Variants in RAB20 observed in about 807,000 individuals in gnomAD.
RAB20 encodes ras-related protein Rab-20.
In RAB20, 2 loss-of-function variants were observed where a neutral mutation model predicts 3.7. The observed-to-expected ratio is 0.54, with a 90% CI of 0.22 to 1.69. RAB20 has a LOEUF of 1.69. Among genes scored for constraint, RAB20 ranks in the 40% most tolerant of loss-of-function variants. The probability of loss-of-function intolerance (pLI) is 0.19; values close to 1 mark genes in which losing one functional copy is unlikely to be tolerated. For synonymous variants in RAB20, 126 were observed against 130.8 expected (o/e 0.96, Z 0.25); for missense variants, 276 against 311.9 (o/e 0.88, Z 0.87).
rs1398743171 is a variant in RAB20 at position 110,527,900 on chromosome 13, T to TAAACACAC, written c.173-3704_173-3703insGTGTGTTT. On this transcript the variant is annotated intron_variant, in intron 1 of 1. Coordinates refer to ENST00000267328, the MANE Select transcript of RAB20 (RefSeq NM_017817.3). ...ATAGCAAGGCTCCTATCTCTACAAA[T>TAAACACAC]ACACACACACACACACACACACACA... is the stretch of plus-strand genomic sequence containing the variant. Among the ~76,000 whole-genome samples the TAAACACAC allele has an allele frequency of 4.3e-3, 595 of 138,214 alleles. 5 individuals carry two copies. Among genetic ancestry groups the TAAACACAC allele is most frequent in the African/African-American group, 0.015 (559 of 36,222 alleles). 90.7% of individuals were successfully genotyped at this position (138,214 alleles called of 152,430 possible). A position where few individuals can be genotyped will look rare whatever the true frequency, so the allele number is the denominator to read the frequency against.
chr13:110,533,094 C>A (rs981396044), intron 1 of RAB20, among the ~76,000 whole-genome samples: 1 of 152,152 alleles, frequency 6.6e-6, no homozygotes, highest in African/African-American at 2.4e-5. Context: ...GTGCATATTC[C>A]CAGACCAGAG....
intron 1 of RAB20, among the ~76,000 whole-genome samples, chr13:110,558,135 T>C (rs1294228386): frequency 6.6e-6 from 1 of 152,232 alleles, no homozygotes; most frequent in African/African-American, 2.4e-5. Flanking sequence ...TAGGCTGTCC[T>C]GAGCAACCGG....
intron 1 of RAB20, among the ~76,000 whole-genome samples, chr13:110,524,793 C>T (rs922901934): frequency 6.6e-6 from 1 of 152,150 alleles, no homozygotes; most frequent in Non-Finnish European, 1.5e-5. Context: ...CAGCACCCTG[C>T]GGTGCTCACG....
intron 1 of RAB20, among the ~76,000 whole-genome samples, chr13:110,554,234 C>A (rs1191756450): frequency 6.6e-6 from 1 of 152,256 alleles, no homozygotes; most frequent in Admixed American, 6.5e-5. Flanking sequence ...AGTCCTCACA[C>A]AAGTCAAAAG....
At chr13:110,525,509 C>T (rs1177103718) in intron 1 of RAB20, among the ~76,000 whole-genome samples, 1 of 152,242 alleles carries the variant, frequency 6.6e-6, no homozygotes, top group Non-Finnish European at 1.5e-5. Context: ...CACCAGCAGG[C>T]GGCTCCCTGC....
chr13:110,533,720 C>T (rs1403603473), intron 1 of RAB20, among the ~76,000 whole-genome samples: 1 of 151,828 alleles, frequency 6.6e-6, no homozygotes, highest in Non-Finnish European at 1.5e-5. Context: ...AGCAACCATC[C>T]CCTCAGGAGC....
At chr13:110,527,964 A>G (rs1485416198) in intron 1 of RAB20, among the ~76,000 whole-genome samples, 1 of 149,790 alleles carries the variant, frequency 6.7e-6, no homozygotes, top group Non-Finnish European at 1.5e-5. Flanking sequence ...TTAGCCAGGC[A>G]TGGTGACGCA....
chr13:110,560,137 G>A (rs1186238818), intron 1 of RAB20, among the ~76,000 whole-genome samples: 2 of 152,174 alleles, frequency 1.3e-5, no homozygotes, highest in Non-Finnish European at 2.9e-5. Context: ...GTTACCAAAT[G>A]CTCAGTGTGA....
chr13:110,533,953 C>G (rs59098701), intron 1 of RAB20, among the ~76,000 whole-genome samples: 6,894 of 152,234 alleles, frequency 0.045, 528 homozygotes, highest in African/African-American at 0.16. Flanking sequence ...GGCCCTCCCC[C>G]CAGAACCCAC....
Position 110,561,498 on chromosome 13 carries a change from T to C in RAB20, c.22A>G (p.Ile8Val), listed in dbSNP as rs781213717. The change falls in exon 1 of 2, where the codon ATC becomes GTC. Residue 8 changes from isoleucine to valine, a missense_variant. Ile to Val is a conservative substitution (Grantham distance 29). Coordinates refer to ENST00000267328, the MANE Select transcript of RAB20 (RefSeq NM_017817.3). MRKPDSK[I>V]VLLGDMNVGK... Reference sequence around the variant, plus strand: ...ACGTTCATGTCCCCCAGGAGCACGATCTTGCTGTCGGGCTTCCTCATCTTC... The same window carrying C: ...ACGTTCATGTCCCCCAGGAGCACGACCTTGCTGTCGGGCTTCCTCATCTTC... The C allele has an allele frequency of 4.4e-6, 7 of 1,586,094 alleles. No homozygotes were observed. In the South Asian group the frequency reaches 7.9e-5, roughly 18 times the overall value.
chr13:110,553,451 C>A (rs1884990662), intron 1 of RAB20, among the ~76,000 whole-genome samples: 1 of 152,172 alleles, frequency 6.6e-6, no homozygotes, highest in Non-Finnish European at 1.5e-5. Flanking sequence ...TTTACACAAC[C>A]CAACCAGGGA....
intron 1 of RAB20, among the ~76,000 whole-genome samples, chr13:110,549,392 A>C (rs1414234505): frequency 6.6e-6 from 1 of 152,246 alleles, no homozygotes; most frequent in Non-Finnish European, 1.5e-5. Flanking sequence ...TCAGCCCTGA[A>C]TCTGGAATCC....
intron 1 of RAB20, among the ~76,000 whole-genome samples, chr13:110,543,860 CT>C (rs1411358790): frequency 6.6e-6 from 1 of 150,962 alleles, no homozygotes; most frequent in African/African-American, 2.5e-5. Context: ...ACTGCAACCT[CT>C]GCCTCCCAGG....
chr13:110,543,192 G>A (rs191990926), intron 1 of RAB20, among the ~76,000 whole-genome samples: 28 of 151,922 alleles, frequency 1.8e-4, no homozygotes, highest in East Asian at 5.8e-4. Context: ...GCTAGAGTGC[G>A]GTGGTGTGAT....
Position 110,561,244 on chromosome 13 carries a change from G to A in RAB20, c.172+104C>T, listed in dbSNP as rs13313269. On this transcript the variant is annotated intron_variant, in intron 1 of 1. Coordinates refer to ENST00000267328, the MANE Select transcript of RAB20 (RefSeq NM_017817.3). ...CCCGAGAAGGAGGCATTTGCTGTCC[G>A]AGGCCGGGACCCTGTGCGCGGCCGG... 5.5e-4 allele frequency: 753 copies of A among 1,371,956 alleles called. 3 individuals carry two copies. Among genetic ancestry groups the A allele is most frequent in the African/African-American group, 4.9e-3 (318 of 65,212 alleles). The allele number at this position is 1,371,956 out of a possible 1,614,324, so 85.0% of individuals were successfully genotyped here.
At chr13:110,527,940 C>T (rs969896173) in intron 1 of RAB20, among the ~76,000 whole-genome samples, 2 of 123,302 alleles carry the variant, frequency 1.6e-5, no homozygotes, top group African/African-American at 7.4e-5. Context: ...CACACACACA[C>T]ACATACACTT....
At chr13:110,552,785 T>C (rs1032807231) in intron 1 of RAB20, among the ~76,000 whole-genome samples, 2 of 152,174 alleles carry the variant, frequency 1.3e-5, no homozygotes, top group Non-Finnish European at 2.9e-5. Flanking sequence ...TGAAATTGTC[T>C]CCCAAAGGCA....
intron 1 of RAB20, among the ~76,000 whole-genome samples, chr13:110,524,898 G>A (rs1441706086): frequency 1.3e-5 from 2 of 152,202 alleles, no homozygotes; most frequent in East Asian, 1.9e-4. Flanking sequence ...TGTGGGTGCC[G>A]CAGCCCCGCC....
At chr13:110,560,066 A>G (rs1046524548) in intron 1 of RAB20, among the ~76,000 whole-genome samples, 3 of 152,240 alleles carry the variant, frequency 2.0e-5, no homozygotes, top group African/African-American at 7.2e-5. Flanking sequence ...TTGACTTTGT[A>G]CAGAAGCAAA....
Sources: allele counts gnomAD v4.1 joint callset (sites outside exome capture counted in the v4.1 genomes callset), GRCh38; gene constraint gnomAD v4.1.1; transcripts MANE v1.5; gene names NCBI Gene and HGNC (gene_info 2026-07-23, HGNC 2026-07-21).